GRIA4: variants seen among roughly 807,000 people sequenced by gnomAD.
The protein encoded by GRIA4 is glutamate ionotropic receptor AMPA type subunit 4.
A neutral mutation model predicts 104.0 loss-of-function variants in GRIA4; 34 were observed. That is an observed-to-expected ratio of 0.33 (90% CI 0.25 to 0.44). The LOEUF (loss-of-function observed/expected upper bound fraction) is 0.44, where lower values mean the gene tolerates loss of function less well. Ranked by LOEUF, GRIA4 falls within the 20% of genes least tolerant of loss-of-function variation. The pLI, the probability that GRIA4 is intolerant of heterozygous loss-of-function variation, is 1.00. For missense variants in GRIA4, 750 were observed against 1,096.5 expected, an observed-to-expected ratio of 0.68 and a Z score of 4.46; for synonymous variants, 386 against 381.9, an observed-to-expected ratio of 1.01 and a Z score of -0.13.
At chr11:105,880,307 T>C (rs1006054687) in intron 5 of GRIA4, among the ~76,000 whole-genome samples, 3 of 152,234 alleles carry the variant, frequency 2.0e-5, no homozygotes, top group African/African-American at 7.2e-5. Context: ...CTTGTAGATG[T>C]AGAATTTTAG....
chr11:105,901,816 T>C (rs1946868249), intron 7 of GRIA4, among the ~76,000 whole-genome samples: 1 of 152,234 alleles, frequency 6.6e-6, no homozygotes, highest in Non-Finnish European at 1.5e-5. Context: ...CTCAGCTTCT[T>C]TCTTCCTGTT....
At chr11:105,882,298 C>A (rs1946095158) in intron 5 of GRIA4, among the ~76,000 whole-genome samples, 1 of 152,150 alleles carries the variant, frequency 6.6e-6, no homozygotes. Flanking sequence ...TATTTCTATT[C>A]TAGTGTGCCA....
chr11:105,659,581 C>T (rs1318452673), intron 3 of GRIA4, among the ~76,000 whole-genome samples: 3 of 151,858 alleles, frequency 2.0e-5, no homozygotes, highest in Non-Finnish European at 4.4e-5. Flanking sequence ...GAACAACATA[C>T]CTCTATGTTT....
rs1368923641 is a variant in GRIA4, at chr11:105,780,629, A to AT, written c.487+27411dup. 2.0e-5 allele frequency among the ~76,000 whole-genome samples: 3 copies of AT among 152,298 alleles called. No individual in the cohort carries two copies. The South Asian group carries it at 6.2e-4, about 32-fold the overall frequency. ...TGTAGATATAAAGAAAAAAATTATT[A>AT]TTGCTGAAAGATAAAAACCTCACTA... On this transcript the variant is annotated intron_variant, in intron 4 of 16. Transcript: ENST00000282499.
chr11:105,632,804 T>G (rs1951069278), intron 3 of GRIA4, among the ~76,000 whole-genome samples: 1 of 151,966 alleles, frequency 6.6e-6, no homozygotes, highest in Non-Finnish European at 1.5e-5. Context: ...AAGAAAAAAT[T>G]TTGTAGAAAG....
At chr11:105,805,129 A>T (rs147869873) in intron 4 of GRIA4, among the ~76,000 whole-genome samples, 12 of 152,040 alleles carry the variant, frequency 7.9e-5, no homozygotes, top group African/African-American at 2.4e-4. Flanking sequence ...ACTTTGTTAC[A>T]TTGGTTATTT....
chr11:105,866,443 T>TTGTG (rs149278651), intron 5 of GRIA4, among the ~76,000 whole-genome samples: 56 of 146,882 alleles, frequency 3.8e-4, no homozygotes, highest in Non-Finnish European at 6.5e-4. Flanking sequence ...GTGTGTGTGT[T>TTGTG]TGTGTGTGTG....
intron 4 of GRIA4, among the ~76,000 whole-genome samples, chr11:105,756,396 T>G (rs150530130): frequency 5.9e-5 from 9 of 152,316 alleles, no homozygotes; most frequent in Non-Finnish European, 8.8e-5. Context: ...CATCTCTGAT[T>G]CCTAATTACC....
intron 4 of GRIA4, among the ~76,000 whole-genome samples, chr11:105,812,817 T>C (rs1591295538): frequency 1.3e-5 from 2 of 152,172 alleles, no homozygotes; most frequent in East Asian, 3.9e-4. Flanking sequence ...AAGAAAGAAA[T>C]TGGCCTAGCA....
At chr11:105,916,467 C>T (rs1406024740) in intron 10 of GRIA4, among the ~76,000 whole-genome samples, 2 of 152,156 alleles carry the variant, frequency 1.3e-5, no homozygotes, top group South Asian at 4.1e-4. Context: ...ATCTTATACT[C>T]CTTTGCCATT....
rs187491618 is a variant in GRIA4, at chr11:105,843,819, A to C, written c.488-18205A>C. 6.0e-3 allele frequency among the ~76,000 whole-genome samples: 908 copies of C among 152,342 alleles called. 8 individuals are homozygous for C. Among genetic ancestry groups the C allele is most frequent in the Non-Finnish European group, 6.4e-3 (433 of 68,030 alleles). ...GAAAAATGATACAAGAGATTCAAGA[A>C]CTGCCTGGATACTTAAGACCTCTTG... On this transcript the variant is annotated intron_variant, in intron 4 of 16. Coordinates refer to ENST00000282499, the MANE Select transcript of GRIA4 (RefSeq NM_000829.4).
chr11:105,794,141 A>G (rs1171849586), intron 4 of GRIA4, among the ~76,000 whole-genome samples: 8 of 151,926 alleles, frequency 5.3e-5, no homozygotes, highest in African/African-American at 1.9e-4. Context: ...CAATCACTCA[A>G]TTTCTTAAAT....
intron 3 of GRIA4, among the ~76,000 whole-genome samples, chr11:105,673,288 G>A (rs1952432465): frequency 6.6e-6 from 1 of 152,068 alleles, no homozygotes; most frequent in Admixed American, 6.6e-5. Context: ...TAACAGAAGC[G>A]CTGTCCTCGG....
intron 3 of GRIA4, among the ~76,000 whole-genome samples, chr11:105,702,993 A>C (rs183251444): frequency 6.6e-6 from 1 of 152,156 alleles, no homozygotes; most frequent in Admixed American, 6.6e-5. Context: ...CAGAAGATAA[A>C]TTACTTGTCC....
chr11:105,690,361 G>A lies in GRIA4; in HGVS notation c.248-62620G>A, dbSNP rs1953039918. On this transcript the variant is annotated intron_variant, in intron 3 of 16. Transcript: ENST00000282499. Reference sequence around the variant, plus strand: ...GCTACTCATTTTTGTTTTCTTTAAGGAATTGATAGTGTTTGGACAAACTTA... The same window carrying A: ...GCTACTCATTTTTGTTTTCTTTAAGAAATTGATAGTGTTTGGACAAACTTA... Among the ~76,000 whole-genome samples, 2 of 152,086 alleles carry A rather than the reference G, an allele frequency of 1.3e-5. 1 individual carries two copies. Among genetic ancestry groups the A allele is most frequent in the South Asian group, 4.1e-4 (2 of 4,826 alleles).
At chr11:105,888,315 A>G (rs1346428275) in intron 6 of GRIA4, among the ~76,000 whole-genome samples, 25 of 97,556 alleles carry the variant, frequency 2.6e-4, no homozygotes, top group African/African-American at 7.4e-4. Context: ...ACGGAGTCTC[A>G]CTCTGTCGCC....
chr11:105,627,493 G>A (rs889746491), intron 3 of GRIA4, among the ~76,000 whole-genome samples: 1 of 152,092 alleles, frequency 6.6e-6, no homozygotes. Flanking sequence ...CTAATAGCAC[G>A]GTTCATCATT....
At chr11:105,857,089 C>T (rs1016611981) in intron 4 of GRIA4, among the ~76,000 whole-genome samples, 15 of 152,042 alleles carry the variant, frequency 9.9e-5, no homozygotes, top group African/African-American at 2.7e-4. Flanking sequence ...GTTGGTTATT[C>T]CTCCATGTAC....
intron 3 of GRIA4, among the ~76,000 whole-genome samples, chr11:105,722,369 C>A (rs559630638): frequency 6.6e-6 from 1 of 152,216 alleles, no homozygotes; most frequent in African/African-American, 2.4e-5. Flanking sequence ...ATTTTTCAGT[C>A]TTACAATGGG....
Sources: gnomAD v4.1 joint callset for allele counts (sites outside exome capture counted in the v4.1 genomes callset) on GRCh38, gnomAD v4.1.1 for gene constraint, MANE v1.5 for transcripts, NCBI Gene and HGNC (gene_info 2026-07-23, HGNC 2026-07-21) for gene names.